The following OR51E2 variants were observed in gnomAD, a reference collection of about 807,000 sequenced individuals.
The protein encoded by OR51E2 is olfactory receptor family 51 subfamily E member 2.
Under a neutral mutation model 13.7 loss-of-function variants are expected in OR51E2, and 14 were observed. That is an observed-to-expected ratio of 1.02 (90% CI 0.68 to 1.60). The LOEUF is 1.60. Among genes scored for constraint, OR51E2 ranks in the 40% most tolerant of loss-of-function variants. The pLI is 0.00. For synonymous variants in OR51E2, 180 were observed against 157.6 expected (o/e 1.14, Z -1.07); for missense variants, 483 against 413.8 (o/e 1.17, Z -1.45).
In OR51E2 at chr11:4,680,673, A is replaced by G. The variant is rs549783613; in HGVS notation, c.*1076T>C. ...AAGAGACACAAATGGTACCTACTCCATAAAGTTACGAAGAACACATAAAAC... is the reference window on the plus strand; with the variant it reads ...AAGAGACACAAATGGTACCTACTCCGTAAAGTTACGAAGAACACATAAAAC... On this transcript the variant is annotated 3_prime_UTR_variant, in exon 2 of 2. Transcript: ENST00000396950. 2.0e-5 allele frequency: 3 copies of G among 152,762 alleles called. No homozygotes were observed. The highest frequency in any genetic ancestry group is 2.1e-4 in the South Asian group (1 of 4,832). 9.5% of individuals were successfully genotyped at this position (152,762 alleles called of 1,614,324 possible). A position where few individuals can be genotyped will look rare whatever the true frequency, so the allele number is the denominator to read the frequency against.
Position 4,682,288 on chromosome 11 carries a change from G to A in OR51E2, c.424C>T (p.Gln142Ter). The A allele has an allele frequency of 6.2e-7, 1 of 1,614,168 alleles. No individual in the cohort carries two copies. Among genetic ancestry groups the A allele is most frequent in the Non-Finnish European group, 8.5e-7 (1 of 1,180,022 alleles). The change falls in exon 2 of 2, where the codon CAG becomes TAG. Residue 142 changes from glutamine to a stop codon, truncating the protein, a stop_gained. Transcript: ENST00000396950. LOFTEE classifies it high-confidence loss of function. The stretch of plus-strand genomic sequence containing the variant: ...CGGACCACAGCCACGATGCCAATCT[G>A]GGCTGTTACTGTATTGTTGAGCACT... The part of the protein sequence containing the change: ...AAVLNNTVTA[Q>*]IGIVAVVRGS...
chr11:4,684,254 T>C lies in OR51E2; in HGVS notation c.-50-1493A>G, dbSNP rs1019306679. 4.6e-5 allele frequency among the ~76,000 whole-genome samples: 7 copies of C among 152,220 alleles called. No individual in the cohort carries two copies. In the South Asian group the frequency reaches 1.5e-3, roughly 32 times the overall value. On this transcript the variant is annotated intron_variant, in intron 1 of 1. Coordinates refer to ENST00000396950, the MANE Select transcript of OR51E2 (RefSeq NM_030774.4). The stretch of plus-strand genomic sequence containing the variant: ...AAACAGCTAAGCTCCTTGACAAATA[T>C]TAAATCCCATATTTGGCTCCCAGTT...
chr11:4,697,105 A>G (rs1408584226), intron 1 of OR51E2, among the ~76,000 whole-genome samples: 5 of 152,236 alleles, frequency 3.3e-5, no homozygotes, highest in African/African-American at 1.2e-4. Context: ...TTTTCTGGTA[A>G]AGACACTGAG....
chr11:4,691,572 T>C (rs763416207), intron 1 of OR51E2: 8 of 456,694 alleles, frequency 1.8e-5, no homozygotes, highest in African/African-American at 1.4e-4. Context: ...GATCAGGCTG[T>C]TTCCCAAGAG....
At chr11:4,691,249 T>A (rs775242346) in intron 1 of OR51E2, 29 of 456,836 alleles carry the variant, frequency 6.3e-5, no homozygotes, top group South Asian at 4.3e-4. Context: ...AGCCCCCTGA[T>A]GACACTTGCC....
intron 1 of OR51E2, among the ~76,000 whole-genome samples, chr11:4,695,526 GA>G (rs1847644975): frequency 6.6e-6 from 1 of 152,090 alleles, no homozygotes; most frequent in African/African-American, 2.4e-5. Context: ...CTTTTATAAG[GA>G]TAAAAATTCC....
In OR51E2 at chr11:4,682,140, G is replaced by A; in HGVS notation, c.572C>T (p.Thr191Ile). The part of the protein sequence containing the change: ...QDVMKLAYAD[T>I]LPNVVYGLTA... ...AAGACCATATACCACATTGGGCAAA[G>A]TGTCTGCATAGGCCAACTTCATTAC... The change falls in exon 2 of 2, where the codon ACT (threonine) becomes ATT (isoleucine). Residue 191 changes from threonine to isoleucine, a missense_variant. Physicochemically the swap from Thr to Ile is moderately conservative, Grantham distance 89. Transcript: ENST00000396950. 3 of 1,614,254 alleles carry A rather than the reference G, an allele frequency of 1.9e-6. No homozygotes were observed. Among genetic ancestry groups the A allele is most frequent in the East Asian group, 2.2e-5 (1 of 44,886 alleles).
intron 1 of OR51E2, among the ~76,000 whole-genome samples, chr11:4,695,018 T>A (rs1420753027): frequency 1.3e-5 from 2 of 152,186 alleles, no homozygotes; most frequent in African/African-American, 2.4e-5. Flanking sequence ...AGCCAGTTTG[T>A]TGGATAACTA....
At chr11:4,693,645 T>C (rs1007621357) in intron 1 of OR51E2, among the ~76,000 whole-genome samples, 4 of 152,070 alleles carry the variant, frequency 2.6e-5, no homozygotes, top group Non-Finnish European at 4.4e-5. Flanking sequence ...GGAGTGAACC[T>C]GGAAGGCGGA....
intron 1 of OR51E2, chr11:4,690,849 A>T (rs1505192): frequency 2.2e-6 from 1 of 455,758 alleles, no homozygotes; most frequent in Non-Finnish European, 4.4e-6. Context: ...CAAAGGGGAG[A>T]TCAGCAGGTA....
At chr11:4,684,417 A>G (rs1389867310) in intron 1 of OR51E2, among the ~76,000 whole-genome samples, 3 of 151,312 alleles carry the variant, frequency 2.0e-5, no homozygotes, top group Admixed American at 6.7e-5. Context: ...AGAACTTTAA[A>G]CAAATCATAC....
chr11:4,690,667 C>A, intron 1 of OR51E2: 1 of 324,916 alleles, frequency 3.1e-6, no homozygotes, highest in Non-Finnish European at 6.0e-6. Context: ...CAATGGGCAC[C>A]AGTTCTTTGG....
At chr11:4,692,780 C>T (rs1371773221) in intron 1 of OR51E2, among the ~76,000 whole-genome samples, 1 of 150,116 alleles carries the variant, frequency 6.7e-6, no homozygotes, top group Non-Finnish European at 1.5e-5. Flanking sequence ...GGAGAGGAAC[C>T]TCAACGTATC....
In OR51E2 at chr11:4,681,653, T is replaced by C. The variant is rs1439334292; in HGVS notation, c.*96A>G. The C allele has an allele frequency of 2.6e-5, 36 of 1,405,738 alleles. 1 individual carries two copies. The highest frequency in any genetic ancestry group is 9.9e-7 in the Non-Finnish European group (1 of 1,010,776). 87.1% of individuals were successfully genotyped at this position (1,405,738 alleles called of 1,614,324 possible). A position where few individuals can be genotyped will look rare whatever the true frequency, so the allele number is the denominator to read the frequency against. ...GTTTACTATTCCAGCCAGAGAAAAG[T>C]ACTGATGTGCTTATGGGCAACTGGA... On this transcript the variant is annotated 3_prime_UTR_variant, in exon 2 of 2. Coordinates refer to ENST00000396950, the MANE Select transcript of OR51E2 (RefSeq NM_030774.4).
Position 4,681,551 on chromosome 11 carries a change from G to T in OR51E2, c.*198C>A. On this transcript the variant is annotated 3_prime_UTR_variant, in exon 2 of 2. Coordinates refer to ENST00000396950, the MANE Select transcript of OR51E2 (RefSeq NM_030774.4). ...TATAAGCATGTTTGGTTTTATTGTA[G>T]TCTTTAAATCATGTAATACTTCATT... 5.1e-6 allele frequency: 3 copies of T among 592,040 alleles called. No individual in the cohort carries two copies. The highest frequency in any genetic ancestry group is 2.8e-5 in the East Asian group (1 of 35,626). The allele number at this position is 592,040 out of a possible 1,614,324, so 36.7% of individuals were successfully genotyped here.
chr11:4,685,283 G>A (rs888236455), intron 1 of OR51E2, among the ~76,000 whole-genome samples: 6 of 152,076 alleles, frequency 3.9e-5, no homozygotes, highest in Admixed American at 3.9e-4. Flanking sequence ...CAACCTCAAA[G>A]CACCCACTGC....
chr11:4,692,900 A>G (rs1253988329), intron 1 of OR51E2, among the ~76,000 whole-genome samples: 2 of 152,100 alleles, frequency 1.3e-5, no homozygotes, highest in African/African-American at 4.8e-5. Flanking sequence ...ATTAACAGAA[A>G]ACTAGATGAA....
At position 4,691,255 on chromosome 11, in the gene OR51E2, T is replaced by C. The variant is rs148016477; in HGVS notation, c.-51+6398A>G. On this transcript the variant is annotated intron_variant, in intron 1 of 1. Coordinates refer to ENST00000396950, the MANE Select transcript of OR51E2 (RefSeq NM_030774.4). ...AGCATTAGGAGCCCCCTGATGACAC[T>C]TGCCACTCCAATTTGAGCTATTCTG... 2.8e-3 allele frequency: 1,283 copies of C among 457,004 alleles called. 4 individuals are homozygous for C. Among genetic ancestry groups the C allele is most frequent in the Non-Finnish European group, 4.9e-3 (1,106 of 226,970 alleles). The allele number at this position is 457,004 out of a possible 1,614,324, so 28.3% of individuals were successfully genotyped here.
intron 1 of OR51E2, among the ~76,000 whole-genome samples, chr11:4,688,293 G>T (rs1326576370): frequency 6.6e-6 from 1 of 152,140 alleles, no homozygotes; most frequent in Non-Finnish European, 1.5e-5. Context: ...CTGTAATGGG[G>T]TGCACTTGAG....
Sources: allele counts gnomAD v4.1 joint callset (sites outside exome capture counted in the v4.1 genomes callset), GRCh38; gene constraint gnomAD v4.1.1; transcripts MANE v1.5; gene names NCBI Gene and HGNC (gene_info 2026-07-23, HGNC 2026-07-21).